LOC128125817: variants seen among roughly 807,000 people sequenced by gnomAD.
At chr1:41,625,397 G>T in the LOC128125817 span, among the ~76,000 whole-genome samples, 1 of 152,066 alleles carries the variant, frequency 6.6e-6, no homozygotes, top group Non-Finnish European at 1.5e-5. Flanking sequence ...TTTAAAAAAC[G>T]GTGTGGCTAT....
chr1:41,615,993 ACT>A, the LOC128125817 span, among the ~76,000 whole-genome samples: 4 of 151,264 alleles, frequency 2.6e-5, no homozygotes, highest in East Asian at 1.9e-4. Flanking sequence ...CTAAGATGAC[ACT>A]CTCTACCGCA....
chr1:41,598,988 A>G, the LOC128125817 span, among the ~76,000 whole-genome samples: 2 of 151,592 alleles, frequency 1.3e-5, no homozygotes, highest in African/African-American at 4.9e-5. Flanking sequence ...GCTAATTTTT[A>G]TATCTTTTTT....
chr1:41,627,182 A>G, the LOC128125817 span, among the ~76,000 whole-genome samples: 1 of 152,242 alleles, frequency 6.6e-6, no homozygotes, highest in Admixed American at 6.5e-5. Flanking sequence ...CACACACGCC[A>G]GAAGGGTGAC....
At chr1:41,622,318 G>A in the LOC128125817 span, among the ~76,000 whole-genome samples, 1 of 152,144 alleles carries the variant, frequency 6.6e-6, no homozygotes, top group African/African-American at 2.4e-5. Flanking sequence ...AGGGGGCAGG[G>A]AAGGAAAACT....
At chr1:41,602,927 C>A in the LOC128125817 span, among the ~76,000 whole-genome samples, 1 of 151,782 alleles carries the variant, frequency 6.6e-6, no homozygotes, top group Admixed American at 6.6e-5. Context: ...GTTTTCATTT[C>A]TCTTGAGGTA....
At chr1:41,624,057 C>T in the LOC128125817 span, among the ~76,000 whole-genome samples, 1 of 152,164 alleles carries the variant, frequency 6.6e-6, no homozygotes, top group Non-Finnish European at 1.5e-5. Context: ...AGGAGACTTC[C>T]CAAGCCTCAG....
chr1:41,585,463 G>A, the LOC128125817 span: 3 of 397,114 alleles, frequency 7.6e-6, no homozygotes, highest in Non-Finnish European at 1.3e-5. Context: ...GGAAACTCAA[G>A]CAGAACCACA....
the LOC128125817 span, among the ~76,000 whole-genome samples, chr1:41,605,375 G>GCACA: frequency 1.4e-3 from 179 of 126,702 alleles, no homozygotes; most frequent in Middle Eastern, 0.029. Flanking sequence ...ACGCACACGC[G>GCACA]CACACACACA....
the LOC128125817 span, among the ~76,000 whole-genome samples, chr1:41,610,481 C>A: frequency 2.6e-5 from 4 of 152,180 alleles, no homozygotes; most frequent in Non-Finnish European, 5.9e-5. Flanking sequence ...CTAGGGGAAT[C>A]CTACTGGATG....
the LOC128125817 span, among the ~76,000 whole-genome samples, chr1:41,586,393 G>A: frequency 3.3e-5 from 5 of 152,212 alleles, no homozygotes; most frequent in South Asian, 6.2e-4. Flanking sequence ...TGAAGGTCCC[G>A]TGTTGCTAAC....
At chr1:41,610,193 C>T in the LOC128125817 span, among the ~76,000 whole-genome samples, 1 of 152,188 alleles carries the variant, frequency 6.6e-6, no homozygotes, top group Non-Finnish European at 1.5e-5. Flanking sequence ...CACACATACA[C>T]AATTGGTTCT....
the LOC128125817 span, among the ~76,000 whole-genome samples, chr1:41,607,685 T>G: frequency 6.6e-6 from 1 of 152,222 alleles, no homozygotes; most frequent in African/African-American, 2.4e-5. Flanking sequence ...AATATATTTA[T>G]GAATGAGGGA....
At chr1:41,596,982 T>C in the LOC128125817 span, among the ~76,000 whole-genome samples, 1 of 152,208 alleles carries the variant, frequency 6.6e-6, no homozygotes, top group African/African-American at 2.4e-5. Context: ...AACTGCTTTT[T>C]CCCTCAATAA....
chr1:41,612,081 C>T, the LOC128125817 span, among the ~76,000 whole-genome samples: 157 of 152,220 alleles, frequency 1.0e-3, no homozygotes, highest in Admixed American at 2.3e-3. Flanking sequence ...CCCCACCTTC[C>T]TCCTCCCACT....
the LOC128125817 span, among the ~76,000 whole-genome samples, chr1:41,609,644 T>G: frequency 6.6e-6 from 1 of 152,258 alleles, no homozygotes; most frequent in African/African-American, 2.4e-5. Flanking sequence ...CCCACTAGTT[T>G]AGGCCCCACG....
At chr1:41,612,230 T>C in the LOC128125817 span, among the ~76,000 whole-genome samples, 34 of 152,198 alleles carry the variant, frequency 2.2e-4, no homozygotes, top group Non-Finnish European at 4.4e-4. Context: ...TGCCAGTTTC[T>C]CCCTGGGACC....
the LOC128125817 span, among the ~76,000 whole-genome samples, chr1:41,616,704 T>C: frequency 0.6 from 90,016 of 149,032 alleles, 27,542 homozygotes; most frequent in African/African-American, 0.7. Flanking sequence ...CCTCCCGCCT[T>C]AGCATCTTGA....
chr1:41,614,085 G>A, the LOC128125817 span, among the ~76,000 whole-genome samples: 1 of 152,220 alleles, frequency 6.6e-6, no homozygotes, highest in Non-Finnish European at 1.5e-5. Flanking sequence ...GCAGTGTGGC[G>A]TCCGGCAGCA....
At chr1:41,618,082 C>T in the LOC128125817 span, among the ~76,000 whole-genome samples, 2 of 152,160 alleles carry the variant, frequency 1.3e-5, no homozygotes, top group Non-Finnish European at 2.9e-5. Flanking sequence ...TGCTAAGCAG[C>T]CAAGAGAGGA....
Sources: gnomAD v4.1 joint callset for allele counts (sites outside exome capture counted in the v4.1 genomes callset) on GRCh38, gnomAD v4.1.1 for gene constraint, MANE v1.5 for transcripts.